Variants in DPF3 observed in about 807,000 individuals in gnomAD.
DPF3 encodes the protein double PHD fingers 3, also known as zinc finger protein DPF3.
Under a neutral mutation model 56.8 loss-of-function variants are expected in DPF3, and 18 were observed. The ratio of observed to expected loss-of-function variants is 0.32; its 90% CI spans 0.22 to 0.47. The LOEUF is 0.47. Ranked by LOEUF, DPF3 falls within the 20% of genes least tolerant of loss-of-function variation. The pLI is 1.00. For missense variants in DPF3, 403 were observed against 488.8 expected (o/e 0.82, Z 1.65); for synonymous variants, 188 against 180.2 (o/e 1.04, Z -0.35).
chr14:72,710,684 G>A (rs938489594), intron 6 of DPF3, among the ~76,000 whole-genome samples: 5 of 152,160 alleles, frequency 3.3e-5, no homozygotes, highest in Middle Eastern at 3.2e-3. Context: ...CAGCTGGTCC[G>A]GGCCTACACT....
rs1378164543 is a variant in DPF3 at position 72,609,250 on chromosome 14, C to T, written c.*10047G>A. ...AAGGCTGCTCGATCCCCACATTCTTCATCTCATCAGCGACAGGTCTCCCTC... is the reference window on the plus strand; with the variant it reads ...AAGGCTGCTCGATCCCCACATTCTTTATCTCATCAGCGACAGGTCTCCCTC... On this transcript the variant is annotated 3_prime_UTR_variant, in exon 11 of 11. Coordinates refer to ENST00000556509, the MANE Select transcript of DPF3 (RefSeq NM_001280542.3). Among the ~76,000 whole-genome samples the T allele has an allele frequency of 6.6e-6, 1 of 152,152 alleles. No homozygotes were observed. The highest frequency in any genetic ancestry group is 2.4e-5 in the African/African-American group (1 of 41,418).
intron 6 of DPF3, among the ~76,000 whole-genome samples, chr14:72,703,131 T>C (rs1888248050): frequency 6.6e-6 from 1 of 152,194 alleles, no homozygotes; most frequent in South Asian, 2.1e-4. Context: ...AGGAAAATGA[T>C]GAGGCTCCCA....
intron 7 of DPF3, among the ~76,000 whole-genome samples, chr14:72,688,152 TGATGGATGGATGGATGGATGGATG>T (rs1208372778): frequency 2.9e-5 from 3 of 104,446 alleles, no homozygotes; most frequent in East Asian, 7.1e-4. Context: ...ATGAGATGGA[TGATGGATGGATGGATGGATGGATG>T]GATGGATGGA....
At chr14:72,706,385 A>G (rs186125191) in intron 6 of DPF3, among the ~76,000 whole-genome samples, 231 of 152,294 alleles carry the variant, frequency 1.5e-3, no homozygotes, top group Middle Eastern at 3.4e-3. Flanking sequence ...GCAGTGTGCT[A>G]TCTCCTGCAC....
intron 7 of DPF3, chr14:72,675,663 G>A (rs1379641357): frequency 6.6e-6 from 1 of 152,248 alleles, no homozygotes; most frequent in East Asian, 1.9e-4. Flanking sequence ...CCTACCTGGG[G>A]AAGGCGGAAG....
chr14:72,685,302 A>G (rs1028861974), intron 7 of DPF3, among the ~76,000 whole-genome samples: 11 of 152,100 alleles, frequency 7.2e-5, no homozygotes, highest in African/African-American at 2.7e-4. Context: ...ATGGTATCCA[A>G]CTCAAGCCCA....
At chr14:72,845,855 C>T (rs774674559) in intron 1 of DPF3, among the ~76,000 whole-genome samples, 13 of 152,236 alleles carry the variant, frequency 8.5e-5, no homozygotes, top group African/African-American at 3.1e-4. Flanking sequence ...AAACATGATA[C>T]CCCCTGCAGA....
rs73296139 is a variant in DPF3 at position 72,662,697 on chromosome 14, C to T, written c.871+11543G>A. 2.2e-3 allele frequency: 2,160 copies of T among 987,348 alleles called. 15 individuals are homozygous for T. Among genetic ancestry groups the T allele is most frequent in the African/African-American group, 0.022 (1,243 of 57,300 alleles). 61.2% of individuals were successfully genotyped at this position (987,348 alleles called of 1,614,324 possible). On this transcript the variant is annotated intron_variant, in intron 8 of 10. Transcript: ENST00000556509. ...TGGCTCCTGTGTTGTCTGAAACACACGCACAGGAGGGGGCTGGGCAAGGGA... is the reference window on the plus strand; with the variant it reads ...TGGCTCCTGTGTTGTCTGAAACACATGCACAGGAGGGGGCTGGGCAAGGGA...
intron 8 of DPF3, chr14:72,670,340 A>C: frequency 2.0e-6 from 2 of 986,388 alleles, no homozygotes; most frequent in Non-Finnish European, 2.4e-6. Flanking sequence ...ACCAGCAATA[A>C]CAAAACAGCA....
chr14:72,825,747 C>A (rs1883772288), intron 1 of DPF3, among the ~76,000 whole-genome samples: 1 of 136,488 alleles, frequency 7.3e-6, no homozygotes, highest in South Asian at 2.6e-4. Flanking sequence ...CCTAGATACA[C>A]CTATCACAGG....
At chr14:72,635,507 CAT>C (rs1885359217) in intron 8 of DPF3, among the ~76,000 whole-genome samples, 1 of 152,208 alleles carries the variant, frequency 6.6e-6, no homozygotes, top group African/African-American at 2.4e-5. Flanking sequence ...GTGTTAGTTT[CAT>C]ATTCACAGCT....
chr14:72,854,480 C>T (rs1885104318), intron 1 of DPF3, among the ~76,000 whole-genome samples: 1 of 152,156 alleles, frequency 6.6e-6, no homozygotes, highest in East Asian at 1.9e-4. Context: ...CAGTTAGAAA[C>T]TCAGGAAATG....
chr14:72,680,195 C>T (rs1176451600), intron 7 of DPF3, among the ~76,000 whole-genome samples: 2 of 152,214 alleles, frequency 1.3e-5, no homozygotes, highest in Non-Finnish European at 2.9e-5. Context: ...AATTCTCATG[C>T]TCCCACTCGC....
At chr14:72,865,676 G>A (rs1885632669) in intron 1 of DPF3, among the ~76,000 whole-genome samples, 1 of 152,212 alleles carries the variant, frequency 6.6e-6, no homozygotes, top group Admixed American at 6.5e-5. Flanking sequence ...GGGGTAAGGA[G>A]CCCATCAATG....
At chr14:72,841,767 G>A (rs561662709) in intron 1 of DPF3, among the ~76,000 whole-genome samples, 20 of 152,214 alleles carry the variant, frequency 1.3e-4, no homozygotes, top group East Asian at 1.2e-3. Context: ...AACAGAGTTC[G>A]TGTCATGATA....
At chr14:72,725,295 G>C (rs1414438942) in intron 4 of DPF3, among the ~76,000 whole-genome samples, 1 of 152,120 alleles carries the variant, frequency 6.6e-6, no homozygotes, top group Admixed American at 6.5e-5. Flanking sequence ...TGGTAGGCAA[G>C]TTCAAAGTGC....
intron 1 of DPF3, among the ~76,000 whole-genome samples, chr14:72,864,624 C>G (rs1885588102): frequency 6.6e-6 from 1 of 152,246 alleles, no homozygotes; most frequent in African/African-American, 2.4e-5. Context: ...CAGCTCTCTA[C>G]CCCGGCCCTG....
At chr14:72,884,971 T>TATATATATATATATATATACATATATA (rs10523148) in intron 1 of DPF3, among the ~76,000 whole-genome samples, 1 of 111,684 alleles carries the variant, frequency 9.0e-6, no homozygotes, top group Non-Finnish European at 1.9e-5. Flanking sequence ...TATATATATA[T>TATATATATATATATATATACATATATA]TAGCCGGGCG....
At chr14:72,636,523 A>T (rs1001625192) in intron 8 of DPF3, among the ~76,000 whole-genome samples, 7 of 151,988 alleles carry the variant, frequency 4.6e-5, no homozygotes, top group African/African-American at 1.5e-4. Flanking sequence ...TTTGAGACCC[A>T]GCTTGGCAGG....
Sources: gnomAD v4.1 joint callset for allele counts (sites outside exome capture counted in the v4.1 genomes callset) on GRCh38, gnomAD v4.1.1 for gene constraint, MANE v1.5 for transcripts, NCBI Gene and HGNC (gene_info 2026-07-23, HGNC 2026-07-21) for gene names.